Variants in HSDL2 observed in about 807,000 individuals in gnomAD.
HSDL2 encodes hydroxysteroid dehydrogenase like 2, also known as hydroxysteroid dehydrogenase-like protein 2.
A neutral mutation model predicts 46.3 loss-of-function variants in HSDL2; 27 were observed. That is an observed-to-expected ratio of 0.58 (90% CI 0.43 to 0.80). The LOEUF (loss-of-function observed/expected upper bound fraction) is 0.80. HSDL2 is among the 30% of genes least tolerant of loss of function. The probability of loss-of-function intolerance (pLI) is 0.00; values close to 1 mark genes in which losing one functional copy is unlikely to be tolerated. For synonymous variants in HSDL2, 153 were observed against 163.6 expected (o/e 0.94, Z 0.50); for missense variants, 451 against 502.7 (o/e 0.90, Z 0.98).
chr9:112,404,004 A>G lies in HSDL2; in HGVS notation c.27A>G (p.Ala9=). Residue 9 remains alanine (A), a synonymous_variant, in exon 2 of 11, where the codon GCA becomes GCG. Coordinates refer to ENST00000398805, the MANE Select transcript of HSDL2 (RefSeq NM_032303.5). The stretch of plus-strand genomic sequence containing the variant: ...ATTTGTTCTGTTGTAGGAGGCTGGC[A>G]GGATGTACAGTTTTTATCACAGGTG... MLPNTGRL[A]GCTVFITGAS... is the part of the protein sequence containing the mutation. The G allele has an allele frequency of 6.2e-7, 1 of 1,614,048 alleles. No individual in the cohort carries two copies. The highest frequency in any genetic ancestry group is 8.5e-7 in the Non-Finnish European group (1 of 1,179,938).
chr9:112,381,474 C>T (rs1045465616), intron 1 of HSDL2, among the ~76,000 whole-genome samples: 2 of 152,176 alleles, frequency 1.3e-5, no homozygotes, highest in African/African-American at 2.4e-5. Flanking sequence ...CTGCCTCAGC[C>T]TCCCGAGTAG....
intron 6 of HSDL2, among the ~76,000 whole-genome samples, chr9:112,427,072 C>T (rs928589074): frequency 2.6e-5 from 4 of 151,808 alleles, no homozygotes; most frequent in Admixed American, 6.6e-5. Flanking sequence ...ATTATTTTTT[C>T]GAGGCAGAGT....
At chr9:112,444,170 C>T (rs1460945754) in intron 8 of HSDL2, among the ~76,000 whole-genome samples, 1 of 152,168 alleles carries the variant, frequency 6.6e-6, no homozygotes, top group East Asian at 1.9e-4. Context: ...TTAATATACT[C>T]ATATAGATAG....
At chr9:112,463,515 C>T (rs1211621009) in intron 10 of HSDL2, among the ~76,000 whole-genome samples, 1 of 152,160 alleles carries the variant, frequency 6.6e-6, no homozygotes, top group Non-Finnish European at 1.5e-5. Flanking sequence ...ACCTATTCAC[C>T]AACACTTGTT....
At chr9:112,455,597 A>T (rs572375804) in intron 9 of HSDL2, among the ~76,000 whole-genome samples, 1 of 152,254 alleles carries the variant, frequency 6.6e-6, no homozygotes, top group Non-Finnish European at 1.5e-5. Flanking sequence ...CTGTACCAGT[A>T]GAAATTGACT....
At chr9:112,449,080 G>GTTTTTTTTTTTT (rs59586435) in intron 8 of HSDL2, among the ~76,000 whole-genome samples, 1 of 118,952 alleles carries the variant, frequency 8.4e-6, no homozygotes, top group Non-Finnish European at 1.7e-5. Context: ...TCTTTCCTCT[G>GTTTTTTTTTTTT]TTTTTTTTTT....
At chr9:112,437,008 G>A (rs1282571841) in intron 6 of HSDL2, among the ~76,000 whole-genome samples, 1 of 140,996 alleles carries the variant, frequency 7.1e-6, no homozygotes, top group East Asian at 2.1e-4. Context: ...CACCCAGGCT[G>A]GAGAACAGTG....
chr9:112,412,018 T>C (rs1831880154), intron 4 of HSDL2, among the ~76,000 whole-genome samples: 1 of 152,212 alleles, frequency 6.6e-6, no homozygotes, highest in African/African-American at 2.4e-5. Flanking sequence ...GCCACAGATA[T>C]ACATATACAG....
chr9:112,446,300 A>G (rs1379059429), intron 8 of HSDL2, among the ~76,000 whole-genome samples: 1 of 152,134 alleles, frequency 6.6e-6, no homozygotes, highest in Non-Finnish European at 1.5e-5. Context: ...CAAGGCTGAC[A>G]TGTGACCTTC....
Position 112,457,816 on chromosome 9 carries a change from T to C in HSDL2, c.1016-1633T>C, listed in dbSNP as rs150276888. The stretch of plus-strand genomic sequence containing the variant: ...TTCTGCCTTGACATTCTCTCTCAAA[T>C]GTACCCACTTTTCTCCATGCCTCTG... On this transcript the variant is annotated intron_variant, in intron 9 of 10. Coordinates refer to ENST00000398805, the MANE Select transcript of HSDL2 (RefSeq NM_032303.5). 6.0e-4 allele frequency among the ~76,000 whole-genome samples: 92 copies of C among 152,314 alleles called. 1 individual carries two copies. Among genetic ancestry groups the C allele is most frequent in the African/African-American group, 2.2e-3 (92 of 41,568 alleles).
chr9:112,403,248 A>G (rs1437587133), intron 1 of HSDL2, among the ~76,000 whole-genome samples: 1 of 152,182 alleles, frequency 6.6e-6, no homozygotes, highest in African/African-American at 2.4e-5. Context: ...GTCAGCCTCC[A>G]ATCCCTCCCA....
chr9:112,444,883 T>C (rs1832722426), intron 8 of HSDL2, among the ~76,000 whole-genome samples: 1 of 150,898 alleles, frequency 6.6e-6, no homozygotes, highest in Non-Finnish European at 1.5e-5. Context: ...GTTTTTATTT[T>C]TTATTTGGTT....
intron 10 of HSDL2, among the ~76,000 whole-genome samples, chr9:112,461,851 C>T (rs1833218487): frequency 6.6e-6 from 1 of 152,304 alleles, no homozygotes; most frequent in South Asian, 2.1e-4. Flanking sequence ...TTACATTTCA[C>T]TTATGTAGCA....
chr9:112,409,491 C>T (rs996327679), intron 4 of HSDL2, among the ~76,000 whole-genome samples: 31 of 152,006 alleles, frequency 2.0e-4, no homozygotes, highest in African/African-American at 7.0e-4. Flanking sequence ...ATGCCCAGCC[C>T]GATAGTATTT....
At chr9:112,425,543 G>C (rs1468242007) in intron 6 of HSDL2, among the ~76,000 whole-genome samples, 1 of 152,026 alleles carries the variant, frequency 6.6e-6, no homozygotes, top group Non-Finnish European at 1.5e-5. Context: ...AGTTCAAATA[G>C]ATTTCCATAA....
intron 10 of HSDL2, among the ~76,000 whole-genome samples, chr9:112,465,292 C>G (rs985282772): frequency 2.6e-5 from 4 of 152,118 alleles, no homozygotes; most frequent in Non-Finnish European, 5.9e-5. Flanking sequence ...CCACGCCTGG[C>G]TAATTTTTGT....
At chr9:112,445,511 GT>G (rs113603259) in intron 8 of HSDL2, among the ~76,000 whole-genome samples, 368 of 146,614 alleles carry the variant, frequency 2.5e-3, no homozygotes, top group African/African-American at 7.9e-3. Flanking sequence ...GTTTCATATA[GT>G]TTTTTTTTTT....
intron 6 of HSDL2, among the ~76,000 whole-genome samples, chr9:112,421,890 G>A (rs767097983): frequency 6.6e-6 from 1 of 152,166 alleles, no homozygotes; most frequent in African/African-American, 2.4e-5. Flanking sequence ...ACTTGATTCT[G>A]TAAGAGAAGG....
At chr9:112,410,352 G>T (rs1831832628) in intron 4 of HSDL2, among the ~76,000 whole-genome samples, 1 of 152,230 alleles carries the variant, frequency 6.6e-6, no homozygotes, top group African/African-American at 2.4e-5. Context: ...TTAGGCTCTG[G>T]AGTAAGACTG....
Sources: gnomAD v4.1 joint callset for allele counts (sites outside exome capture counted in the v4.1 genomes callset) on GRCh38, gnomAD v4.1.1 for gene constraint, MANE v1.5 for transcripts, NCBI Gene and HGNC (gene_info 2026-07-23, HGNC 2026-07-21) for gene names.